Variants in NALF1 observed in about 807,000 individuals in gnomAD.
NALF1 encodes the protein family with sequence similarity 155 member A.
Under a neutral mutation model 48.4 loss-of-function variants are expected in NALF1, and 3 were observed. The observed-to-expected ratio is 0.06, with a 90% confidence interval of 0.03 to 0.16. The LOEUF is 0.16. Among genes scored for constraint, NALF1 ranks in the 10% least tolerant of loss-of-function variants. The probability of loss-of-function intolerance (pLI) is 1.00; values close to 1 mark genes in which losing one functional copy is unlikely to be tolerated. For synonymous variants in NALF1, 262 were observed against 245.7 expected (o/e 1.07, Z -0.62); for missense variants, 526 against 571.5 (o/e 0.92, Z 0.81).
intron 1 of NALF1, among the ~76,000 whole-genome samples, chr13:107,661,037 G>A (rs1880722889): frequency 6.6e-6 from 1 of 152,192 alleles, no homozygotes; most frequent in Non-Finnish European, 1.5e-5. Flanking sequence ...GTTGAACTCA[G>A]AGTTAATAAA....
intron 1 of NALF1, among the ~76,000 whole-genome samples, chr13:107,215,399 C>T (rs1322352777): frequency 6.6e-5 from 10 of 152,178 alleles, no homozygotes; most frequent in African/African-American, 2.4e-4. Context: ...ATCCCTTGGT[C>T]ACACAGGCCT....
chr13:107,318,481 G>GA (rs1013228866), intron 1 of NALF1, among the ~76,000 whole-genome samples: 2 of 152,012 alleles, frequency 1.3e-5, no homozygotes, highest in Admixed American at 6.6e-5. Context: ...TCTTAGGAGA[G>GA]AGGCAGCATT....
In NALF1 at chr13:107,705,941, A is replaced by AAG. The variant is rs146858941; in HGVS notation, c.915+159739_915+159740dup. ...CAGCTAATACATAATGCAGATATTT[A>AAG]AGAGAGAGAGAGAGAGAAAGAGATA... On this transcript the variant is annotated intron_variant, in intron 1 of 2. Coordinates refer to ENST00000375915, the MANE Select transcript of NALF1 (RefSeq NM_001080396.3). Among the ~76,000 whole-genome samples, 87 of 151,232 alleles carry AAG rather than the reference A, an allele frequency of 5.8e-4. No individual in the cohort carries two copies. In the East Asian group the frequency reaches 0.011, roughly 19 times the overall value.
chr13:107,381,783 T>G (rs1167973597), intron 1 of NALF1, among the ~76,000 whole-genome samples: 1 of 152,190 alleles, frequency 6.6e-6, no homozygotes, highest in Non-Finnish European at 1.5e-5. Flanking sequence ...TTCTCAATAC[T>G]GTGTCGCTAC....
intron 1 of NALF1, among the ~76,000 whole-genome samples, chr13:107,490,257 C>G (rs1885394246): frequency 6.6e-6 from 1 of 152,088 alleles, no homozygotes; most frequent in Admixed American, 6.6e-5. Context: ...CGTTCTATTA[C>G]AAAGACACAC....
chr13:107,410,518 A>G (rs1883972555), intron 1 of NALF1, among the ~76,000 whole-genome samples: 3 of 152,196 alleles, frequency 2.0e-5, no homozygotes, highest in Admixed American at 2.0e-4. Context: ...GAACAATTAT[A>G]CAGATACTTG....
At chr13:107,680,179 G>A (rs973383604) in intron 1 of NALF1, among the ~76,000 whole-genome samples, 3 of 152,148 alleles carry the variant, frequency 2.0e-5, no homozygotes, top group Admixed American at 6.5e-5. Context: ...CTTTCAAGAG[G>A]AGCCAATGTT....
intron 1 of NALF1, among the ~76,000 whole-genome samples, chr13:107,613,388 C>T (rs1158059629): frequency 6.6e-6 from 1 of 152,134 alleles, no homozygotes; most frequent in East Asian, 1.9e-4. Flanking sequence ...TCTCTCCAGG[C>T]CAACTGGGGA....
chr13:107,636,717 C>T (rs962264025), intron 1 of NALF1, among the ~76,000 whole-genome samples: 3 of 151,658 alleles, frequency 2.0e-5, no homozygotes, highest in South Asian at 2.1e-4. Flanking sequence ...TACTTGGTAG[C>T]CTCTATACTT....
chr13:107,703,276 T>C (rs1014566377), intron 1 of NALF1, among the ~76,000 whole-genome samples: 1 of 152,176 alleles, frequency 6.6e-6, no homozygotes, highest in Non-Finnish European at 1.5e-5. Flanking sequence ...TACTTTTTCC[T>C]GCTATATCCA....
At chr13:107,853,105 GA>G (rs1029808105) in intron 1 of NALF1, among the ~76,000 whole-genome samples, 4 of 151,922 alleles carry the variant, frequency 2.6e-5, no homozygotes, top group Admixed American at 6.6e-5. Flanking sequence ...TCATCACATG[GA>G]AAAAAAGGAA....
rs139222810 is a variant in NALF1 at position 107,586,010 on chromosome 13, C to T, written c.915+279672G>A. On this transcript the variant is annotated intron_variant, in intron 1 of 2. Transcript: ENST00000375915. Reference sequence around the variant, plus strand: ...ACCATCTAATGTGAAAAGTTGAGATCTGGAAGAATGCCTGTCACCTCAGCA... The same window carrying T: ...ACCATCTAATGTGAAAAGTTGAGATTTGGAAGAATGCCTGTCACCTCAGCA... Among the ~76,000 whole-genome samples the T allele has an allele frequency of 2.4e-4, 37 of 152,160 alleles. No homozygotes were observed. The East Asian group carries it at 6.0e-3, about 25-fold the overall frequency.
intron 1 of NALF1, among the ~76,000 whole-genome samples, chr13:107,357,822 C>T (rs538129930): frequency 1.6e-4 from 25 of 152,170 alleles, no homozygotes; most frequent in African/African-American, 4.6e-4. Context: ...AAATTAGAGA[C>T]GTTAGTTTAA....
intron 1 of NALF1, among the ~76,000 whole-genome samples, chr13:107,311,973 G>T (rs1190189032): frequency 6.6e-6 from 1 of 152,184 alleles, no homozygotes; most frequent in Non-Finnish European, 1.5e-5. Flanking sequence ...CACTGTTGGT[G>T]GGACTGTAAA....
intron 1 of NALF1, among the ~76,000 whole-genome samples, chr13:107,777,616 T>C (rs1180832294): frequency 2.6e-5 from 4 of 152,190 alleles, no homozygotes; most frequent in Non-Finnish European, 5.9e-5. Context: ...TTCTGCCTAA[T>C]TGTAAGCTTC....
intron 1 of NALF1, among the ~76,000 whole-genome samples, chr13:107,464,559 T>C (rs551140300): frequency 6.6e-6 from 1 of 152,280 alleles, no homozygotes; most frequent in Non-Finnish European, 1.5e-5. Flanking sequence ...TCACTCTTGT[T>C]GCCCAGGCTA....
At chr13:107,339,182 T>C (rs1458979435) in intron 1 of NALF1, among the ~76,000 whole-genome samples, 1 of 151,574 alleles carries the variant, frequency 6.6e-6, no homozygotes, top group Non-Finnish European at 1.5e-5. Context: ...TCAAGACATC[T>C]AGTAACTGCA....
Position 107,511,741 on chromosome 13 carries a change from C to T in NALF1, c.916-300986G>A, listed in dbSNP as rs982924377. On this transcript the variant is annotated intron_variant, in intron 1 of 2. Transcript: ENST00000375915. Reference sequence around the variant, plus strand: ...TCTTGTATAATAGAAAAAATAACTGCATATCTACTCAGAATATTGATGTTT... The same window carrying T: ...TCTTGTATAATAGAAAAAATAACTGTATATCTACTCAGAATATTGATGTTT... Among the ~76,000 whole-genome samples the T allele has an allele frequency of 5.9e-5, 9 of 152,114 alleles. 1 individual carries two copies. The highest frequency in any genetic ancestry group is 2.9e-5 in the Non-Finnish European group (2 of 68,022).
intron 1 of NALF1, among the ~76,000 whole-genome samples, chr13:107,561,922 T>C (rs1470916404): frequency 6.6e-6 from 1 of 152,218 alleles, no homozygotes; most frequent in African/African-American, 2.4e-5. Flanking sequence ...TGGACTTAGA[T>C]CGTATCAAAA....
Sources: allele counts gnomAD v4.1 joint callset (sites outside exome capture counted in the v4.1 genomes callset), GRCh38; gene constraint gnomAD v4.1.1; transcripts MANE v1.5; gene names NCBI Gene and HGNC (gene_info 2026-07-23, HGNC 2026-07-21).